Variants in USH2A observed in about 807,000 individuals in gnomAD.
USH2A encodes usherin.
Under a neutral mutation model 538.9 loss-of-function variants are expected in USH2A, and 443 were observed. The ratio of observed to expected loss-of-function variants is 0.82; its 90% CI spans 0.76 to 0.89. The LOEUF (loss-of-function observed/expected upper bound fraction) is 0.89, where lower values mean the gene tolerates loss of function less well. USH2A is among the 40% of genes least tolerant of loss of function. The pLI, the probability that USH2A is intolerant of heterozygous loss-of-function variation, is 0.00. For synonymous variants in USH2A, 2,413 were observed against 2,273.5 expected (o/e 1.06, Z -1.75); for missense variants, 6,633 against 6,324.8 (o/e 1.05, Z -1.65).
At chr1:216,064,513 T>A (rs1157365214) in intron 30 of USH2A, among the ~76,000 whole-genome samples, 5 of 151,812 alleles carry the variant, frequency 3.3e-5, no homozygotes, top group Middle Eastern at 3.4e-3. Context: ...TTTTTTTTTT[T>A]AATTTTCTCA....
chr1:216,048,406 T>C (rs1353576109), intron 31 of USH2A, 128 bp downstream of exon 31: 33 of 923,388 alleles, frequency 3.6e-5, no homozygotes, highest in Non-Finnish European at 5.6e-5. Flanking sequence ...AATTATGGCC[T>C]GGCAATGCAC....
At chr1:216,062,848 A>T (rs2031229614) in intron 30 of USH2A, among the ~76,000 whole-genome samples, 1 of 152,206 alleles carries the variant, frequency 6.6e-6, no homozygotes, top group African/African-American at 2.4e-5. Flanking sequence ...CAAATTTTCC[A>T]AGCTGAAGAA....
chr1:216,102,390 T>G (rs1422909653), intron 21 of USH2A, among the ~76,000 whole-genome samples: 1 of 149,406 alleles, frequency 6.7e-6, no homozygotes, highest in Non-Finnish European at 1.5e-5. Flanking sequence ...AATATTAAAT[T>G]AAAAAGTAAA....
chr1:215,910,416 A>G (rs905444203), intron 38 of USH2A, among the ~76,000 whole-genome samples: 10 of 152,018 alleles, frequency 6.6e-5, no homozygotes, highest in Non-Finnish European at 1.3e-4. Context: ...AGCAAGTACC[A>G]AAATCTCTAT....
At chr1:216,398,555 T>TACAC (rs71556650) in intron 3 of USH2A, among the ~76,000 whole-genome samples, 1 of 127,684 alleles carries the variant, frequency 7.8e-6, no homozygotes, top group Non-Finnish European at 1.8e-5. Context: ...AGCACACCCA[T>TACAC]ACACACACAC....
At chr1:215,993,834 A>C (rs1490501794) in intron 34 of USH2A, among the ~76,000 whole-genome samples, 1 of 152,182 alleles carries the variant, frequency 6.6e-6, no homozygotes, top group Admixed American at 6.5e-5. Flanking sequence ...GACAAATTTA[A>C]CATGATCACA....
intron 21 of USH2A, among the ~76,000 whole-genome samples, chr1:216,146,973 C>T (rs2033719193): frequency 6.6e-6 from 1 of 152,288 alleles, no homozygotes; most frequent in South Asian, 2.1e-4. Flanking sequence ...CAGAAAATGG[C>T]ACTTTGAATT....
rs1165794767 is a variant in USH2A at position 215,693,076 on chromosome 1, GTA to G, written c.12067-12702_12067-12701del. 1.5e-3 allele frequency among the ~76,000 whole-genome samples: 194 copies of G among 131,640 alleles called. 2 individuals carry two copies. Among genetic ancestry groups the G allele is most frequent in the African/African-American group, 4.9e-3 (182 of 37,060 alleles). The allele number at this position is 131,640 out of a possible 152,430, so 86.4% of individuals were successfully genotyped here. The stretch of plus-strand genomic sequence containing the variant: ...CCATGCCCAGCTAATTTTTGTGTGT[GTA>G]TATATATATATATATGTGTGTGTGT... On this transcript the variant is annotated intron_variant, in intron 61 of 71. Coordinates refer to ENST00000307340, the MANE Select transcript of USH2A (RefSeq NM_206933.4).
chr1:215,964,357 C>T (rs375208633), intron 37 of USH2A, among the ~76,000 whole-genome samples: 35 of 152,314 alleles, frequency 2.3e-4, no homozygotes, highest in Admixed American at 1.4e-3. Context: ...GACTCTGACA[C>T]GCACTTGACT....
intron 4 of USH2A, among the ~76,000 whole-genome samples, chr1:216,341,859 A>C (rs755049467): frequency 2.6e-5 from 4 of 152,216 alleles, no homozygotes; most frequent in African/African-American, 7.2e-5. Flanking sequence ...GATGGATTAA[A>C]GACTTAATTG....
chr1:216,188,334 C>G (rs769258220), intron 20 of USH2A, among the ~76,000 whole-genome samples: 2 of 151,732 alleles, frequency 1.3e-5, no homozygotes, highest in South Asian at 2.1e-4. Flanking sequence ...TTTCTAGGGA[C>G]GGGCATGTCT....
At chr1:215,671,437 A>G in intron 63 of USH2A, 144 bp from the exon 64 acceptor site, 2 of 955,046 alleles carry the variant, frequency 2.1e-6, no homozygotes, top group South Asian at 3.2e-5. Context: ...AACAAAGTTG[A>G]GAATGGCTTG....
At chr1:215,739,864 C>G (rs1365626422) in intron 60 of USH2A, among the ~76,000 whole-genome samples, 1 of 152,130 alleles carries the variant, frequency 6.6e-6, no homozygotes, top group Non-Finnish European at 1.5e-5. Context: ...AAGTAAGTTT[C>G]ACTAAGTTTC....
intron 3 of USH2A, among the ~76,000 whole-genome samples, chr1:216,407,533 G>A (rs533954901): frequency 1.3e-5 from 2 of 152,074 alleles, no homozygotes; most frequent in Admixed American, 1.3e-4. Context: ...TTGCACTTTA[G>A]AGAAAGAAAT....
intron 38 of USH2A, among the ~76,000 whole-genome samples, chr1:215,909,799 G>C (rs113135608): frequency 9.9e-5 from 15 of 152,042 alleles, no homozygotes; most frequent in African/African-American, 3.4e-4. Context: ...CCTCATTGAC[G>C]TGAGTCTGGA....
intron 32 of USH2A, among the ~76,000 whole-genome samples, chr1:216,030,789 G>T (rs1476675720): frequency 6.6e-6 from 1 of 151,162 alleles, no homozygotes; most frequent in Non-Finnish European, 1.5e-5. Context: ...TTGACTGAAA[G>T]AAGTGACCTG....
At chr1:216,036,903 G>A (rs1310205318) in intron 32 of USH2A, among the ~76,000 whole-genome samples, 3 of 152,004 alleles carry the variant, frequency 2.0e-5, no homozygotes, top group Admixed American at 2.0e-4. Context: ...AGTGACAAAA[G>A]AGAACATATA....
intron 21 of USH2A, among the ~76,000 whole-genome samples, chr1:216,099,629 C>T (rs1425389592): frequency 6.6e-6 from 1 of 152,000 alleles, no homozygotes; most frequent in Non-Finnish European, 1.5e-5. Context: ...CAAGGACAGA[C>T]AAGTAACTGA....
At chr1:215,967,453 C>T (rs1667376644) in intron 36 of USH2A, among the ~76,000 whole-genome samples, 1 of 152,140 alleles carries the variant, frequency 6.6e-6, no homozygotes, top group African/African-American at 2.4e-5. Context: ...AGGTGTGAGC[C>T]ACCATGCCTG....
Sources: gnomAD v4.1 joint callset for allele counts (sites outside exome capture counted in the v4.1 genomes callset) on GRCh38, gnomAD v4.1.1 for gene constraint, MANE v1.5 for transcripts, NCBI Gene and HGNC (gene_info 2026-07-23, HGNC 2026-07-21) for gene names.